The following BTNL9 variants were observed in gnomAD, a reference collection of about 807,000 sequenced individuals.
The protein encoded by BTNL9 is butyrophilin like 9.
BTNL9 carries 45 observed loss-of-function variants against 45.8 expected under a neutral mutation model. The ratio of observed to expected loss-of-function variants is 0.98; its 90% confidence interval spans 0.77 to 1.26. The LOEUF (loss-of-function observed/expected upper bound fraction) is 1.26, where lower values mean the gene tolerates loss of function less well. Among genes scored for constraint, BTNL9 ranks in the 50% most tolerant of loss-of-function variants. The pLI is 0.00. For synonymous variants in BTNL9, 346 were observed against 330.8 expected, an observed-to-expected ratio of 1.05 and a Z score of -0.50; for missense variants, 784 against 729.7, an observed-to-expected ratio of 1.07 and a Z score of -0.86.
chr5:181,056,325 C>A (rs1258801955), intron 9 of BTNL9, among the ~76,000 whole-genome samples: 1 of 152,188 alleles, frequency 6.6e-6, no homozygotes, highest in Non-Finnish European at 1.5e-5. Context: ...GCATACCTCC[C>A]TCTATTCACC....
rs1761727123 is a variant in BTNL9 at position 181,053,924 on chromosome 5, A to C, written c.887-315A>C. 5.3e-6 allele frequency: 8 copies of C among 1,512,976 alleles called. No individual in the cohort carries two copies. Among genetic ancestry groups the C allele is most frequent in the African/African-American group, 2.8e-5 (2 of 72,636 alleles). 93.7% of individuals were successfully genotyped at this position (1,512,976 alleles called of 1,614,324 possible). ...CAGGCACCGAGAAAACAGCCCAGTTACGTGAGGCAGTGTCCGGGGCTTAAC... is the reference window on the plus strand; with the variant it reads ...CAGGCACCGAGAAAACAGCCCAGTTCCGTGAGGCAGTGTCCGGGGCTTAAC... On this transcript the variant is annotated intron_variant, in intron 6 of 10. Coordinates refer to ENST00000327705, the MANE Select transcript of BTNL9 (RefSeq NM_152547.5). This position sits in a 1 kb window ranked among gnomAD's most constrained non-coding sequence, Gnocchi z 6.5.
At position 181,048,194 on chromosome 5, in the gene BTNL9, C is replaced by T. The variant is rs1329529521; in HGVS notation, c.377C>T (p.Ser126Phe). Residue 126 changes from serine to phenylalanine, a missense_variant, in exon 3 of 11, where the codon TCT (serine) becomes TTT (phenylalanine). Ser to Phe is a radical substitution (Grantham distance 155, BLOSUM62 -2). Transcript: ENST00000327705. ...CTGCAGCTTCACAGCATCATCCCCT[C>T]TGACAAGGGCACATATGGCTGCCGC... The part of the protein sequence containing the change: ...VVLQLHSIIP[S>F]DKGTYGCRFH... 6.2e-7 allele frequency: 1 copy of T among 1,613,332 alleles called. No individual in the cohort carries two copies. Among genetic ancestry groups the T allele is most frequent in the African/African-American group, 1.3e-5 (1 of 74,934 alleles).
At chr5:181,054,821 G>A (rs1761792054) in intron 7 of BTNL9, 1 of 985,316 alleles carries the variant, frequency 1.0e-6, no homozygotes, top group Admixed American at 6.1e-5. Flanking sequence ...CCTTCAAGGG[G>A]AATGAGAAAA....
Position 181,051,504 on chromosome 5 carries a change from T to C in BTNL9, c.736+1135T>C, listed in dbSNP as rs563900589. On this transcript the variant is annotated intron_variant, in intron 4 of 10. Transcript: ENST00000327705. Reference sequence around the variant, plus strand: ...ACAGCAGTTCTAAATTCCGTGGGAATTGGGATGGCCATCTGTGTGAGCCAA... The same window carrying C: ...ACAGCAGTTCTAAATTCCGTGGGAACTGGGATGGCCATCTGTGTGAGCCAA... Among the ~76,000 whole-genome samples the C allele has an allele frequency of 7.2e-5, 11 of 152,294 alleles. No individual in the cohort carries two copies. In the South Asian group the frequency reaches 1.2e-3, roughly 17 times the overall value.
chr5:181,054,713 G>A (rs894511853), intron 7 of BTNL9: 46 of 985,254 alleles, frequency 4.7e-5, no homozygotes, highest in Non-Finnish European at 5.4e-5. Context: ...ACCCAAGGGA[G>A]GGGGAATGGA....
rs1761991170 is a variant in BTNL9, at chr5:181,058,426, T to A, written c.982+48T>A. 2.5e-6 allele frequency: 4 copies of A among 1,613,340 alleles called. No individual in the cohort carries two copies. The South Asian group carries it at 3.3e-5, about 13-fold the overall frequency. On this transcript the variant is annotated intron_variant, in intron 10 of 10. Coordinates refer to ENST00000327705, the MANE Select transcript of BTNL9 (RefSeq NM_152547.5). ...TTTGTGTTTTGGTTTGGCCGGATCT[T>A]AAACAGAAGGGAGGTGGAGAGATCT...
At chr5:181,058,513 C>T (rs549928679) in intron 10 of BTNL9, 135 bp downstream of exon 10, 35 of 1,184,780 alleles carry the variant, frequency 3.0e-5, no homozygotes, top group Admixed American at 1.1e-4. Flanking sequence ...AAGACACACA[C>T]GCACACTTGC....
rs372675288 is a variant in BTNL9, at chr5:181,045,484, C to T, written c.-6C>T. Reference sequence around the variant, plus strand: ...CTCTCCAGGTGGCCCCCACTGCTGACGAGAGATGGTGGACCTCTCAGTCTC... The same window carrying T: ...CTCTCCAGGTGGCCCCCACTGCTGATGAGAGATGGTGGACCTCTCAGTCTC... On this transcript the variant is annotated 5_prime_UTR_variant, in exon 2 of 11. The change creates a new upstream start codon in the 5' untranslated region. Coordinates refer to ENST00000327705, the MANE Select transcript of BTNL9 (RefSeq NM_152547.5). The T allele has an allele frequency of 5.8e-5, 92 of 1,585,844 alleles. No homozygotes were observed. Among genetic ancestry groups the T allele is most frequent in the East Asian group, 4.0e-4 (18 of 44,804 alleles).
intron 6 of BTNL9, 129 bp from the exon 7 acceptor site, chr5:181,054,110 G>C (rs1375321396): frequency 3.9e-6 from 6 of 1,556,840 alleles, no homozygotes; most frequent in Non-Finnish European, 5.2e-6. Flanking sequence ...TGGGCCCGCA[G>C]ACCACCGCGG....
At position 181,059,610 on chromosome 5, in the gene BTNL9, C is replaced by G. The variant is rs780432865; in HGVS notation, c.1356C>G (p.Phe452Leu). 7 of 1,613,324 alleles carry G rather than the reference C, an allele frequency of 4.3e-6. No homozygotes were observed. Among genetic ancestry groups the G allele is most frequent in the Non-Finnish European group, 5.9e-6 (7 of 1,179,936 alleles). ...TGCCCCCGCGGCGCCTGGGCGTCTT[C>G]CTGGACTACGAGGCCGGAGAGCTGT... ...LRVPPRRLGV[F>L]LDYEAGELSF... Residue 452 changes from phenylalanine (F) to leucine (L), a missense_variant, in exon 11 of 11, where the codon TTC becomes TTG. Physicochemically the swap from Phe to Leu is conservative, Grantham distance 22. Coordinates refer to ENST00000327705, the MANE Select transcript of BTNL9 (RefSeq NM_152547.5).
At position 181,059,441 on chromosome 5, in the gene BTNL9, G is replaced by A. The variant is rs1762052009; in HGVS notation, c.1187G>A (p.Trp396Ter). 2.0e-6 allele frequency: 3 copies of A among 1,470,964 alleles called. No homozygotes were observed. The highest frequency in any genetic ancestry group is 2.7e-6 in the Non-Finnish European group (3 of 1,116,288). The allele number at this position is 1,470,964 out of a possible 1,614,324, so 91.1% of individuals were successfully genotyped here. ...WEVHVGRRSR[W>*]FLGACLAAVP... ...GTGCACGTGGGCCGCCGCAGCCGCT[G>A]GTTCCTGGGCGCCTGCCTGGCCGCG... Residue 396 changes from tryptophan to a stop codon, truncating the protein, a stop_gained, in exon 11 of 11, where the codon TGG becomes TAG. Transcript: ENST00000327705. LOFTEE classifies it low-confidence loss of function (END_TRUNC).
rs1245769376 is a variant in BTNL9, at chr5:181,053,578, G to C, written c.886+77G>C. 5 of 1,550,930 alleles carry C rather than the reference G, an allele frequency of 3.2e-6. No homozygotes were observed. In the East Asian group the frequency reaches 7.3e-5, roughly 23 times the overall value. ...CCGTCATCTAAAGGCTGTGGGTCCC[G>C]TTACGAGGGTTTATTCCAGCGCGAG... On this transcript the variant is annotated intron_variant, in intron 6 of 10. Transcript: ENST00000327705. This position sits in a 1 kb window ranked among gnomAD's most constrained non-coding sequence, Gnocchi z 6.5.
intron 2 of BTNL9, among the ~76,000 whole-genome samples, chr5:181,046,798 T>G (rs1329052937): frequency 6.6e-6 from 1 of 151,530 alleles, no homozygotes; most frequent in Non-Finnish European, 1.5e-5. Context: ...AGGAGAGCCG[T>G]AGAGTGGGAA....
Position 181,059,833 on chromosome 5 carries a change from C to T in BTNL9, c.1579C>T (p.Pro527Ser), listed in dbSNP as rs202184383. The T allele has an allele frequency of 2.4e-5, 38 of 1,587,324 alleles. 1 individual carries two copies. In the African/African-American group the frequency reaches 3.7e-4, roughly 16 times the overall value. ...DSDTWLQPYEPADPALDWW is the reference protein window; with the variant it reads ...DSDTWLQPYESADPALDWW Reference sequence around the variant, plus strand: ...TGACACCTGGCTACAGCCCTATGAGCCCGCGGACCCCGCCCTGGACTGGTG... The same window carrying T: ...TGACACCTGGCTACAGCCCTATGAGTCCGCGGACCCCGCCCTGGACTGGTG... Residue 527 changes from proline (P) to serine (S), a missense_variant, in exon 11 of 11, where the codon CCC (proline) becomes TCC (serine). Physicochemically the swap from Pro to Ser is moderately conservative, Grantham distance 74. Transcript: ENST00000327705.
At chr5:181,052,559 CACAG>C (rs1321459519) in intron 4 of BTNL9, among the ~76,000 whole-genome samples, 4 of 152,198 alleles carry the variant, frequency 2.6e-5, no homozygotes, top group Admixed American at 1.3e-4. Flanking sequence ...AACTAGATGA[CACAG>C]ACAGAAAGTT....
rs202103036 is a variant in BTNL9, at chr5:181,053,316, G to C, written c.853G>C (p.Glu285Gln). 2.6e-6 allele frequency: 4 copies of C among 1,558,588 alleles called. No homozygotes were observed. The East Asian group carries it at 7.6e-5, about 30-fold the overall frequency. Residue 285 changes from glutamate to glutamine, a missense_variant and splice_region_variant, in exon 5 of 11, where the codon GAA becomes CAA. Coordinates refer to ENST00000327705, the MANE Select transcript of BTNL9 (RefSeq NM_152547.5). The surrounding 1 kb of genome is among the most constrained non-coding windows in gnomAD (Gnocchi z 6.5). ...GVLRKQRRSR[E>Q]KLRKQAEKRQ... is the part of the protein sequence containing the mutation. ...CCTCCGGAAGCAGCGGAGAAGCCGA[G>C]GTACCGGCGCGGGCGGCGGGGCGGG...
rs1761791476 is a variant in BTNL9, at chr5:181,054,811, C to A, written c.907+552C>A. The A allele has an allele frequency of 7.1e-6, 7 of 985,206 alleles. No individual in the cohort carries two copies. The South Asian group carries it at 2.8e-4, about 40-fold the overall frequency. The allele number at this position is 985,206 out of a possible 1,614,324, so 61.0% of individuals were successfully genotyped here. ...AAGCTTGTCTGGCAGTCTACCTCGC[C>A]CTTCAAGGGGAATGAGAAAAACATA... On this transcript the variant is annotated intron_variant, in intron 7 of 10. Transcript: ENST00000327705.
In BTNL9 at chr5:181,054,223, T is replaced by A; in HGVS notation, c.887-16T>A. On this transcript the variant is annotated splice_polypyrimidine_tract_variant and intron_variant, in intron 6 of 10. Transcript: ENST00000327705. ...CTTTCCCCTTTTCTTCATCTTTTTTTTTTTTTTTTCTCTAGAGAAACTCAC... is the reference window on the plus strand; with the variant it reads ...CTTTCCCCTTTTCTTCATCTTTTTTATTTTTTTTTCTCTAGAGAAACTCAC... 1 of 1,609,932 alleles carries A rather than the reference T, an allele frequency of 6.2e-7. No homozygotes were observed. Among genetic ancestry groups the A allele is most frequent in the East Asian group, 2.2e-5 (1 of 44,816 alleles).
intron 3 of BTNL9, among the ~76,000 whole-genome samples, chr5:181,048,769 AGTATGCTATATATTAAT>A (rs1761342629): frequency 1.9e-4 from 12 of 63,014 alleles, no homozygotes; most frequent in Non-Finnish European, 2.1e-4. Flanking sequence ...AGATATATAT[AGTATGCTATATATTAAT>A]TATATAGTTA....
Sources: gnomAD v4.1 joint callset for allele counts (sites outside exome capture counted in the v4.1 genomes callset) on GRCh38, gnomAD v4.1.1 for gene constraint, Gnocchi (gnomAD v3.1) non-coding constraint, MANE v1.5 for transcripts, NCBI Gene and HGNC (gene_info 2026-07-23, HGNC 2026-07-21) for gene names.